The following IMMP1L variants were observed in gnomAD, a reference collection of about 807,000 sequenced individuals.
IMMP1L encodes the protein inner mitochondrial membrane peptidase subunit 1.
Under a neutral mutation model 21.8 loss-of-function variants are expected in IMMP1L, and 24 were observed. The ratio of observed to expected loss-of-function variants is 1.10; its 90% CI spans 0.80 to 1.55. IMMP1L has a LOEUF of 1.55. IMMP1L is among the 40% of genes most tolerant of loss of function. IMMP1L has a pLI of 0.00. For missense variants in IMMP1L, 195 were observed against 200.7 expected, an observed-to-expected ratio of 0.97 and a Z score of 0.17; for synonymous variants, 46 against 62.8, an observed-to-expected ratio of 0.73 and a Z score of 1.26.
chr11:31,499,938 TTAAA>T (rs34485904), intron 1 of IMMP1L, among the ~76,000 whole-genome samples: 28,555 of 140,068 alleles, frequency 0.2, 4,084 homozygotes, highest in African/African-American at 0.41. Flanking sequence ...GGCTAACTTC[TTAAA>T]TAAATAAATA....
At chr11:31,446,617 C>T (rs1450429026) in intron 4 of IMMP1L, among the ~76,000 whole-genome samples, 1 of 152,174 alleles carries the variant, frequency 6.6e-6, no homozygotes, top group Non-Finnish European at 1.5e-5. Context: ...GTGCCATACA[C>T]TGGAACTCTT....
intron 1 of IMMP1L, among the ~76,000 whole-genome samples, chr11:31,504,502 C>A (rs1255487181): frequency 6.6e-6 from 1 of 152,062 alleles, no homozygotes; most frequent in Non-Finnish European, 1.5e-5. Context: ...ATACCACAAC[C>A]CTCTGAGAAT....
intron 1 of IMMP1L, among the ~76,000 whole-genome samples, chr11:31,483,255 T>C (rs1954961023): frequency 6.6e-6 from 1 of 151,902 alleles, no homozygotes; most frequent in Non-Finnish European, 1.5e-5. Flanking sequence ...GTATTTGGTT[T>C]GCAAAAAAAT....
chr11:31,432,986 T>G (rs1218361375), intron 5 of IMMP1L, among the ~76,000 whole-genome samples: 1 of 152,202 alleles, frequency 6.6e-6, no homozygotes, highest in Non-Finnish European at 1.5e-5. Context: ...TCATGAATGT[T>G]TTTCTCCTCA....
chr11:31,439,042 G>C (rs1428587719), intron 4 of IMMP1L, among the ~76,000 whole-genome samples: 1 of 151,942 alleles, frequency 6.6e-6, no homozygotes, highest in Non-Finnish European at 1.5e-5. Context: ...GAAACTCCTT[G>C]TTCTCAGTTG....
At chr11:31,451,865 A>G (rs1178114218) in intron 4 of IMMP1L, among the ~76,000 whole-genome samples, 1 of 152,198 alleles carries the variant, frequency 6.6e-6, no homozygotes, top group Non-Finnish European at 1.5e-5. Context: ...GGTCATTCCA[A>G]TGTTTGGATA....
At chr11:31,473,470 C>T (rs1954635037) in intron 1 of IMMP1L, among the ~76,000 whole-genome samples, 1 of 152,146 alleles carries the variant, frequency 6.6e-6, no homozygotes, top group Non-Finnish European at 1.5e-5. Context: ...TTAGGTCTAA[C>T]ATCCAATACT....
At chr11:31,432,638 G>A (rs1206272681) in intron 5 of IMMP1L, 70 bp from the exon 6 acceptor site, 1 of 1,022,070 alleles carries the variant, frequency 9.8e-7, no homozygotes, top group East Asian at 2.4e-5. Context: ...ATTCCCTTTT[G>A]CTATCTGTCC....
intron 1 of IMMP1L, among the ~76,000 whole-genome samples, chr11:31,506,849 A>T (rs1473952688): frequency 6.6e-6 from 1 of 151,770 alleles, no homozygotes; most frequent in African/African-American, 2.4e-5. Context: ...AGTCCCAACT[A>T]CTCAGGAGGC....
chr11:31,484,399 A>C (rs138257230), intron 1 of IMMP1L, among the ~76,000 whole-genome samples: 4 of 151,936 alleles, frequency 2.6e-5, no homozygotes, highest in African/African-American at 9.7e-5. Context: ...CTTTTTCCAA[A>C]TAACAATGGT....
At chr11:31,477,026 T>C (rs1592006623) in intron 1 of IMMP1L, 1 of 152,118 alleles carries the variant, frequency 6.6e-6, no homozygotes, top group Non-Finnish European at 1.5e-5. Flanking sequence ...CTTTTATATA[T>C]TAAAATCATA....
At chr11:31,497,812 C>T (rs1955503960) in intron 1 of IMMP1L, among the ~76,000 whole-genome samples, 1 of 152,174 alleles carries the variant, frequency 6.6e-6, no homozygotes, top group African/African-American at 2.4e-5. Flanking sequence ...GATTACACAA[C>T]ATTGTAAGTA....
chr11:31,465,244 G>A (rs992954102), intron 1 of IMMP1L, among the ~76,000 whole-genome samples: 3 of 151,852 alleles, frequency 2.0e-5, no homozygotes, highest in Non-Finnish European at 4.4e-5. Context: ...TTTTACCCAA[G>A]GAGGTGAAAG....
rs1955924756 is a variant in IMMP1L, at chr11:31,509,478, AGGCACTCAAAAGGAGAAGAACGT to A, written c.-30+18_-30+40del. ...CTTTTCTTTAACTCAATGTGAATGA[AGGCACTCAAAAGGAGAAGAACGT>A]TACGTGATATTACCTACCTCGGGCC... On this transcript the variant is annotated intron_variant, in intron 1 of 5. Coordinates refer to ENST00000532287, the MANE Select transcript of IMMP1L (RefSeq NM_001304274.2). 2.3e-6 allele frequency: 1 copy of A among 434,172 alleles called. No individual in the cohort carries two copies. Among genetic ancestry groups the A allele is most frequent in the African/African-American group, 2.0e-5 (1 of 50,962 alleles). 26.9% of individuals were successfully genotyped at this position (434,172 alleles called of 1,614,324 possible).
At chr11:31,503,750 G>A (rs1017785917) in intron 1 of IMMP1L, among the ~76,000 whole-genome samples, 1 of 152,100 alleles carries the variant, frequency 6.6e-6, no homozygotes, top group Non-Finnish European at 1.5e-5. Flanking sequence ...GATTTTGCTG[G>A]GTAGTCAACT....
intron 1 of IMMP1L, among the ~76,000 whole-genome samples, chr11:31,507,660 T>A: frequency 6.6e-6 from 1 of 152,112 alleles, no homozygotes; most frequent in East Asian, 1.9e-4. Flanking sequence ...GAGGCCAGGA[T>A]GGTTGGCAGG....
At chr11:31,490,212 G>T (rs1955209336) in intron 1 of IMMP1L, among the ~76,000 whole-genome samples, 1 of 152,176 alleles carries the variant, frequency 6.6e-6, no homozygotes, top group South Asian at 2.1e-4. Flanking sequence ...AAAGGTTCAT[G>T]CCTGTAATCC....
chr11:31,492,606 G>T (rs1955293028), intron 1 of IMMP1L, among the ~76,000 whole-genome samples: 1 of 152,134 alleles, frequency 6.6e-6, no homozygotes, highest in African/African-American at 2.4e-5. Context: ...TTGATTTAAA[G>T]TGACAAATAT....
At chr11:31,451,300 T>C (rs138308890) in intron 4 of IMMP1L, among the ~76,000 whole-genome samples, 1 of 151,590 alleles carries the variant, frequency 6.6e-6, no homozygotes, top group Non-Finnish European at 1.5e-5. Flanking sequence ...GTGTGGAGAG[T>C]ATAATGGAAA....
Sources: allele counts gnomAD v4.1 joint callset (sites outside exome capture counted in the v4.1 genomes callset), GRCh38; gene constraint gnomAD v4.1.1; transcripts MANE v1.5; gene names NCBI Gene and HGNC (gene_info 2026-07-23, HGNC 2026-07-21).